PRKG1: variants seen among roughly 807,000 people sequenced by gnomAD.
PRKG1 encodes the protein cGMP-dependent protein kinase 1.
In PRKG1, 35 loss-of-function variants were observed where a neutral mutation model predicts 88.1. That is an observed-to-expected ratio of 0.40 (90% CI 0.30 to 0.53). The LOEUF (loss-of-function observed/expected upper bound fraction) is 0.53. PRKG1 is among the 20% of genes least tolerant of loss of function. The pLI is 0.59. For missense variants in PRKG1, 540 were observed against 839.8 expected, an observed-to-expected ratio of 0.64 and a Z score of 4.41; for synonymous variants, 303 against 292.5, an observed-to-expected ratio of 1.04 and a Z score of -0.37.
intron 10 of PRKG1, among the ~76,000 whole-genome samples, chr10:52,270,412 C>G (rs1841689191): frequency 6.6e-6 from 1 of 152,062 alleles, no homozygotes; most frequent in Admixed American, 6.6e-5. Context: ...TATAAAGACA[C>G]ATGCACACGT....
At chr10:51,187,822 AT>A (rs1187937092) in intron 2 of PRKG1, among the ~76,000 whole-genome samples, 14 of 151,594 alleles carry the variant, frequency 9.2e-5, no homozygotes, top group South Asian at 6.2e-4. Context: ...TGAAAAGATT[AT>A]TTTTTTATGT....
At chr10:51,601,180 A>G (rs1405552269) in intron 3 of PRKG1, among the ~76,000 whole-genome samples, 1 of 152,166 alleles carries the variant, frequency 6.6e-6, no homozygotes, top group South Asian at 2.1e-4. Context: ...ACTTGTTCAC[A>G]GTTGTATTCC....
At chr10:51,011,545 G>A (rs188366629) in intron 1 of PRKG1, among the ~76,000 whole-genome samples, 53 of 152,266 alleles carry the variant, frequency 3.5e-4, no homozygotes, top group Non-Finnish European at 6.3e-4. Flanking sequence ...TTGTCTATAA[G>A]TAATTTATGA....
chr10:51,321,288 C>A (rs866148390), intron 2 of PRKG1, among the ~76,000 whole-genome samples: 13 of 152,130 alleles, frequency 8.5e-5, no homozygotes, highest in Middle Eastern at 3.4e-3. Flanking sequence ...TGGAGTTAAG[C>A]GTCTAACTTT....
intron 12 of PRKG1, among the ~76,000 whole-genome samples, chr10:52,279,969 C>T (rs2132446259): frequency 6.6e-6 from 1 of 151,692 alleles, no homozygotes; most frequent in African/African-American, 2.4e-5. Flanking sequence ...AAGGGTTTAA[C>T]CTTAGATGCC....
At chr10:52,253,901 G>A (rs1182647637) in intron 10 of PRKG1, among the ~76,000 whole-genome samples, 1 of 131,134 alleles carries the variant, frequency 7.6e-6, no homozygotes, top group Non-Finnish European at 1.6e-5. Flanking sequence ...ATCAGCTTTT[G>A]TTGTCTTGTA....
At chr10:51,679,272 C>A (rs1250678808) in intron 3 of PRKG1, among the ~76,000 whole-genome samples, 4 of 152,030 alleles carry the variant, frequency 2.6e-5, no homozygotes, top group African/African-American at 9.7e-5. Context: ...TAAGAAGTAA[C>A]CTATTGCTTT....
chr10:52,228,913 C>T (rs1349658668), intron 9 of PRKG1, among the ~76,000 whole-genome samples: 1 of 152,182 alleles, frequency 6.6e-6, no homozygotes, highest in East Asian at 1.9e-4. Flanking sequence ...CTTATCATGT[C>T]AGTTCGTCTC....
intron 2 of PRKG1, among the ~76,000 whole-genome samples, chr10:51,293,953 T>G (rs1292161524): frequency 2.0e-5 from 3 of 152,218 alleles, no homozygotes; most frequent in Non-Finnish European, 4.4e-5. Flanking sequence ...GGTTTTGATT[T>G]GGATTTTCCT....
At chr10:52,195,510 A>G (rs958121734) in intron 9 of PRKG1, among the ~76,000 whole-genome samples, 6 of 152,150 alleles carry the variant, frequency 3.9e-5, no homozygotes, top group Admixed American at 3.3e-4. Context: ...TTTTCAACCT[A>G]TAAATACAGA....
At chr10:51,820,950 C>T (rs1839728979) in intron 4 of PRKG1, among the ~76,000 whole-genome samples, 1 of 152,156 alleles carries the variant, frequency 6.6e-6, no homozygotes, top group Non-Finnish European at 1.5e-5. Context: ...GTAAAAAATA[C>T]CAGCTCACAA....
At chr10:51,408,523 C>G (rs1420856293) in intron 2 of PRKG1, among the ~76,000 whole-genome samples, 6 of 152,210 alleles carry the variant, frequency 3.9e-5, no homozygotes, top group Non-Finnish European at 5.9e-5. Flanking sequence ...TGAGGCCAAA[C>G]CTCTGCCCTT....
At chr10:51,338,582 A>G (rs968865395) in intron 2 of PRKG1, among the ~76,000 whole-genome samples, 8 of 152,184 alleles carry the variant, frequency 5.3e-5, no homozygotes, top group East Asian at 1.9e-4. Flanking sequence ...AGAATTCTCA[A>G]TGGGAAGCAT....
chr10:51,946,937 C>G (rs866774678), intron 5 of PRKG1, among the ~76,000 whole-genome samples: 4 of 152,120 alleles, frequency 2.6e-5, no homozygotes, highest in African/African-American at 4.8e-5. Flanking sequence ...AGGAGGCAGT[C>G]TGCCTGTTCT....
intron 7 of PRKG1, among the ~76,000 whole-genome samples, chr10:52,090,044 A>G (rs1335439912): frequency 6.6e-6 from 1 of 151,490 alleles, no homozygotes; most frequent in Non-Finnish European, 1.5e-5. Context: ...CGATCTCTTG[A>G]CCTCGTGATC....
chr10:51,654,043 T>G (rs1840103562), intron 3 of PRKG1, among the ~76,000 whole-genome samples: 1 of 152,162 alleles, frequency 6.6e-6, no homozygotes, highest in Admixed American at 6.5e-5. Context: ...TTAGTTTGAG[T>G]CTATTTTTGT....
chr10:51,757,826 T>C (rs568474243), intron 3 of PRKG1, among the ~76,000 whole-genome samples: 48 of 152,372 alleles, frequency 3.2e-4, no homozygotes, highest in African/African-American at 1.2e-3. Flanking sequence ...ATATGGCTAA[T>C]AGAAAAGATA....
At chr10:51,153,128 C>T (rs377011548) in intron 1 of PRKG1, 36 bp from the exon 2 acceptor site, 7 of 1,594,190 alleles carry the variant, frequency 4.4e-6, no homozygotes, top group Non-Finnish European at 6.0e-6. Context: ...AAGAGCTTGT[C>T]AGATGTGCCA....
At chr10:52,051,684 A>T (rs1444213680) in intron 5 of PRKG1, among the ~76,000 whole-genome samples, 1 of 152,230 alleles carries the variant, frequency 6.6e-6, no homozygotes, top group Admixed American at 6.5e-5. Flanking sequence ...ATTGGGCAGA[A>T]TTACCTGCCC....
Sources: allele counts gnomAD v4.1 joint callset (sites outside exome capture counted in the v4.1 genomes callset), GRCh38; gene constraint gnomAD v4.1.1; transcripts MANE v1.5; gene names NCBI Gene and HGNC (gene_info 2026-07-23, HGNC 2026-07-21).